Variants in STON2 observed in about 807,000 individuals in gnomAD.
STON2 encodes stonin 2, also known as stonin-2.
A neutral mutation model predicts 65.7 loss-of-function variants in STON2; 29 were observed. The observed-to-expected ratio is 0.44, with a 90% CI of 0.33 to 0.60. STON2 has a LOEUF of 0.60. Among genes scored for constraint, STON2 ranks in the 20% least tolerant of loss-of-function variants. The probability of loss-of-function intolerance (pLI) is 0.03; values close to 1 mark genes in which losing one functional copy is unlikely to be tolerated. For missense variants in STON2, 1,054 were observed against 1,118.1 expected, an observed-to-expected ratio of 0.94 and a Z score of 0.82; for synonymous variants, 404 against 414.2, an observed-to-expected ratio of 0.98 and a Z score of 0.30.
Position 81,358,613 on chromosome 14 carries a change from G to A in STON2, c.571+12375C>T, listed in dbSNP as rs1185389574. Among the ~76,000 whole-genome samples, 7 of 151,856 alleles carry A rather than the reference G, an allele frequency of 4.6e-5. No homozygotes were observed. In the East Asian group the frequency reaches 1.4e-3, roughly 29 times the overall value. ...TAAAAAGACAAAGAGTGACTGCATGGATAAAAAAACAAGACCCAACTATAT... is the reference window on the plus strand; with the variant it reads ...TAAAAAGACAAAGAGTGACTGCATGAATAAAAAAACAAGACCCAACTATAT... On this transcript the variant is annotated intron_variant, in intron 4 of 7. Transcript: ENST00000614646.
At position 81,371,152 on chromosome 14, in the gene STON2, G is replaced by A; in HGVS notation, c.407C>T (p.Pro136Leu). 1 of 1,614,146 alleles carries A rather than the reference G, an allele frequency of 6.2e-7. No individual in the cohort carries two copies. Among genetic ancestry groups the A allele is most frequent in the African/African-American group, 1.3e-5 (1 of 75,050 alleles). ...LPLTMPCWTCPSFDSLGRCPL... is the reference protein window; with the variant it reads ...LPLTMPCWTCLSFDSLGRCPL... ...GCATCTCCCCAGGGAGTCAAAGGAA[G>A]GGCATGTCCAGCAGGGCATGGTCAA... Residue 136 changes from proline to leucine, a missense_variant, in exon 4 of 8, where the codon CCT becomes CTT. Pro to Leu is a moderately conservative substitution (Grantham distance 98, BLOSUM62 -3). Coordinates refer to ENST00000614646, the MANE Select transcript of STON2 (RefSeq NM_001394390.1).
intron 5 of STON2, among the ~76,000 whole-genome samples, chr14:81,314,003 T>C (rs1466219156): frequency 6.6e-6 from 1 of 152,204 alleles, no homozygotes; most frequent in Non-Finnish European, 1.5e-5. Context: ...GGTGTGTGAC[T>C]AAGAGTTAGG....
At chr14:81,403,031 A>C (rs557654100), upstream of STON2, among the ~76,000 whole-genome samples, 2 of 152,266 alleles carry the variant, frequency 1.3e-5, no homozygotes, top group South Asian at 4.1e-4. Flanking sequence ...TGTCGTATAA[A>C]TGCAGGCACT....
chr14:81,261,635 C>T lies in STON2; in HGVS notation c.*6779G>A, dbSNP rs7153668. 28 of 795,448 alleles carry T rather than the reference C, an allele frequency of 3.5e-5. No homozygotes were observed. The highest frequency in any genetic ancestry group is 3.6e-4 in the Middle Eastern group (1 of 2,794). The allele number at this position is 795,448 out of a possible 1,614,324, so 49.3% of individuals were successfully genotyped here. Reference sequence around the variant, plus strand: ...ACTGAGTGTCCTCCTTCAATTTTCACAATATTTTATACAAAATGACAAATA... The same window carrying T: ...ACTGAGTGTCCTCCTTCAATTTTCATAATATTTTATACAAAATGACAAATA... On this transcript the variant is annotated 3_prime_UTR_variant, in exon 8 of 8. Coordinates refer to ENST00000614646, the MANE Select transcript of STON2 (RefSeq NM_001394390.1).
Position 81,282,368 on chromosome 14 carries a change from C to T in STON2, c.743-3629G>A, listed in dbSNP as rs559245003. Among the ~76,000 whole-genome samples the T allele has an allele frequency of 5.9e-5, 9 of 152,310 alleles. No homozygotes were observed. The East Asian group carries it at 1.2e-3, about 20-fold the overall frequency. On this transcript the variant is annotated intron_variant, in intron 5 of 7. Transcript: ENST00000614646. ...TGCCTGCGTTTCAATTCCATACCTA[C>T]GGCTTTTTAGATATGTGATTCTAGG...
intron 4 of STON2, among the ~76,000 whole-genome samples, chr14:81,325,006 A>G (rs1309468694): frequency 6.6e-6 from 1 of 152,142 alleles, no homozygotes; most frequent in Non-Finnish European, 1.5e-5. Flanking sequence ...TGAGACCCAG[A>G]GGTTAGGGAA....
At position 81,277,141 on chromosome 14, in the gene STON2, G is replaced by A. The variant is rs1181917472; in HGVS notation, c.2341C>T (p.Pro781Ser). 1 of 1,614,182 alleles carries A rather than the reference G, an allele frequency of 6.2e-7. No homozygotes were observed. Among genetic ancestry groups the A allele is most frequent in the East Asian group, 2.2e-5 (1 of 44,890 alleles). Residue 781 changes from proline to serine, a missense_variant, in exon 6 of 8, where the codon CCC (proline) becomes TCC (serine). Coordinates refer to ENST00000614646, the MANE Select transcript of STON2 (RefSeq NM_001394390.1). ...TAACGGATCATCACATTCTCACAGG[G>A]AACCTGAGTGAGGGGGTCACGATTG... ...SANRDPLTQV[P>S]CENVMIRYPV...
chr14:81,278,821 A>G, intron 5 of STON2, 82 bp from the exon 6 acceptor site: 1 of 1,116,478 alleles, frequency 9.0e-7, no homozygotes, highest in South Asian at 1.9e-5. Context: ...ATGAGGGATT[A>G]CTAGAATTTT....
At chr14:81,333,750 C>T (rs572667337) in intron 4 of STON2, among the ~76,000 whole-genome samples, 1 of 152,290 alleles carries the variant, frequency 6.6e-6, no homozygotes, top group East Asian at 1.9e-4. Context: ...ATTCATATTC[C>T]ACTGTATTAA....
At chr14:81,382,240 A>C (rs542924995) in intron 3 of STON2, among the ~76,000 whole-genome samples, 2 of 152,140 alleles carry the variant, frequency 1.3e-5, no homozygotes, top group African/African-American at 4.8e-5. Flanking sequence ...AAAGAAAAGA[A>C]AAGAAACAAT....
rs893804390 is a variant in STON2, at chr14:81,267,298, T to G, written c.*1116A>C. 4 of 985,276 alleles carry G rather than the reference T, an allele frequency of 4.1e-6. No individual in the cohort carries two copies. In the African/African-American group the frequency reaches 7.0e-5, roughly 17 times the overall value. 61.0% of individuals were successfully genotyped at this position (985,276 alleles called of 1,614,324 possible). ...TTCCCAACATTAGAAAAATATGGCT[T>G]TTCCACGTCTCTACCCTAGAGATGC... On this transcript the variant is annotated 3_prime_UTR_variant, in exon 8 of 8. Transcript: ENST00000614646.
chr14:81,369,837 C>A (rs1220399751), intron 4 of STON2, among the ~76,000 whole-genome samples: 2 of 152,182 alleles, frequency 1.3e-5, no homozygotes, highest in Non-Finnish European at 2.9e-5. Flanking sequence ...CTCTTCCTAA[C>A]AGCCTCAGCT....
At position 81,417,144 on chromosome 14, in the gene STON2, C is replaced by A. The variant is rs1187612512; in HGVS notation, c.-199+9958G>T. The stretch of plus-strand genomic sequence containing the variant: ...AAGTCTTTAGCATCCCAAAAGGACT[C>A]ACTGACACTCCATCCCTTGCATGCT... On this transcript the variant is annotated intron_variant, in intron 2 of 8. Transcript: ENST00000553821. Among the ~76,000 whole-genome samples, 4 of 152,294 alleles carry A rather than the reference C, an allele frequency of 2.6e-5. No individual in the cohort carries two copies. In the East Asian group the frequency reaches 5.8e-4, roughly 22 times the overall value.
intron 4 of STON2, among the ~76,000 whole-genome samples, chr14:81,354,704 G>C (rs1198707989): frequency 6.6e-6 from 1 of 152,096 alleles, no homozygotes; most frequent in East Asian, 1.9e-4. Context: ...TAGAGATAAA[G>C]AACACAATTA....
At chr14:81,423,664 A>G (rs1901824277) in intron 2 of STON2, among the ~76,000 whole-genome samples, 1 of 152,164 alleles carries the variant, frequency 6.6e-6, no homozygotes, top group South Asian at 2.1e-4. Flanking sequence ...ATGGGCATAA[A>G]ACCAAAACAG....
intron 5 of STON2, among the ~76,000 whole-genome samples, chr14:81,291,858 TAC>T (rs59366676): frequency 0.16 from 21,884 of 137,468 alleles, 1,730 homozygotes; most frequent in South Asian, 0.22. Flanking sequence ...TTAGCATGGG[TAC>T]ACACACACAC....
intron 2 of STON2, among the ~76,000 whole-genome samples, chr14:81,412,333 C>T (rs1446489389): frequency 7.2e-6 from 1 of 139,762 alleles, no homozygotes; most frequent in Non-Finnish European, 1.5e-5. Context: ...CTGAAACAAC[C>T]TAGGCGTCCG....
At chr14:81,342,378 G>A (rs1897647795) in intron 4 of STON2, among the ~76,000 whole-genome samples, 1 of 152,056 alleles carries the variant, frequency 6.6e-6, no homozygotes, top group African/African-American at 2.4e-5. Flanking sequence ...CAGGTGATCC[G>A]CCCATCTCAG....
Position 81,262,123 on chromosome 14 carries a change from G to T in STON2, c.*6291C>A, listed in dbSNP as rs1015605061. ...ACTTTAGAGCTGGAAAGGACTTGAA[G>T]AAACAATTAATCCAACTTCCTCACT... On this transcript the variant is annotated 3_prime_UTR_variant, in exon 8 of 8. Transcript: ENST00000614646. 18 of 985,240 alleles carry T rather than the reference G, an allele frequency of 1.8e-5. No homozygotes were observed. The highest frequency in any genetic ancestry group is 6.1e-5 in the Admixed American group (1 of 16,264). 61.0% of individuals were successfully genotyped at this position (985,240 alleles called of 1,614,324 possible). A position where few individuals can be genotyped will look rare whatever the true frequency, so the allele number is the denominator to read the frequency against.
Sources: gnomAD v4.1 joint callset for allele counts (sites outside exome capture counted in the v4.1 genomes callset) on GRCh38, gnomAD v4.1.1 for gene constraint, MANE v1.5 for transcripts, NCBI Gene and HGNC (gene_info 2026-07-23, HGNC 2026-07-21) for gene names.